DNAH1: variants seen among roughly 807,000 people sequenced by gnomAD.
The protein encoded by DNAH1 is axonemal beta dynein heavy chain 1.
DNAH1 carries 327 observed loss-of-function variants against 484.3 expected under a neutral mutation model. The ratio of observed to expected loss-of-function variants is 0.68; its 90% CI spans 0.62 to 0.74. The LOEUF is 0.74. Among genes scored for constraint, DNAH1 ranks in the 30% least tolerant of loss-of-function variants. The probability of loss-of-function intolerance (pLI) is 0.00; values close to 1 mark genes in which losing one functional copy is unlikely to be tolerated. For synonymous variants in DNAH1, 2,192 were observed against 2,191.9 expected (o/e 1.00, Z 0.00); for missense variants, 5,052 against 5,546.8 (o/e 0.91, Z 2.83).
chr3:52,396,843 G>C, intron 72 of DNAH1, 25 bp from the exon 73 acceptor site: 1 of 1,612,258 alleles, frequency 6.2e-7, no homozygotes, highest in Non-Finnish European at 8.5e-7. Context: ...GCACTTAGGG[G>C]AGCCCTCACC....
chr3:52,377,834 C>T (rs1424073087), intron 46 of DNAH1, among the ~76,000 whole-genome samples: 1 of 152,152 alleles, frequency 6.6e-6, no homozygotes, highest in African/African-American at 2.4e-5. Context: ...CCGGACCCCT[C>T]TCCTGCTGCA....
rs1263318450 is a variant in DNAH1, at chr3:52,400,346, ACT to A, written c.12701_12702del (p.Ser4234TyrfsTer?). ...CCAGGAACACTATCAACCACAGGAC[ACT>A]CTACCAACTATGTCATTGCTGTGGA... On this transcript the variant is annotated frameshift_variant, in exon 78 of 78. Coordinates refer to ENST00000420323, the MANE Select transcript of DNAH1 (RefSeq NM_015512.5). LOFTEE classifies it high-confidence loss of function. The A allele has an allele frequency of 2.2e-5, 36 of 1,613,868 alleles. No individual in the cohort carries two copies. Among genetic ancestry groups the A allele is most frequent in the Non-Finnish European group, 3.0e-5 (35 of 1,179,880 alleles).
At chr3:52,357,504 C>T in intron 22 of DNAH1, 110 bp from the exon 23 acceptor site, 3 of 1,389,668 alleles carry the variant, frequency 2.2e-6, no homozygotes, top group Non-Finnish European at 1.9e-6. Flanking sequence ...CATCTTCTTT[C>T]CCAGGCCCCG....
In DNAH1 at chr3:52,394,546, G is replaced by T; in HGVS notation, c.10708G>T (p.Ala3570Ser). The change falls in exon 67 of 78, where the codon GCT becomes TCT. Residue 3570 changes from alanine (A) to serine (S), a missense_variant. Coordinates refer to ENST00000420323, the MANE Select transcript of DNAH1 (RefSeq NM_015512.5). ...NPAPDWLSDR[A>S]WRDILALSNL... ...GGCACCGGACTGGCTGTCAGACCGG[G>T]CTTGGCGAGACATCCTAGCACTCTC... The T allele has an allele frequency of 6.2e-7, 1 of 1,613,994 alleles. No individual in the cohort carries two copies. Among genetic ancestry groups the T allele is most frequent in the Non-Finnish European group, 8.5e-7 (1 of 1,179,854 alleles).
intron 10 of DNAH1, among the ~76,000 whole-genome samples, chr3:52,346,049 G>A (rs757930321): frequency 1.3e-5 from 2 of 152,168 alleles, no homozygotes; most frequent in Non-Finnish European, 2.9e-5. Flanking sequence ...GTGGATTGGG[G>A]TATGAGGGAG....
chr3:52,334,085 G>A (rs1437807664), intron 8 of DNAH1, among the ~76,000 whole-genome samples: 2 of 152,146 alleles, frequency 1.3e-5, no homozygotes, highest in Non-Finnish European at 2.9e-5. Flanking sequence ...TCATCATTGT[G>A]CAAACATCAT....
At chr3:52,331,369 C>G (rs577271293) in intron 7 of DNAH1, 60 bp downstream of exon 7, 3 of 1,539,442 alleles carry the variant, frequency 1.9e-6, no homozygotes, top group Non-Finnish European at 2.6e-6. Context: ...CGGCCTGTGA[C>G]TGAGGCCAAC....
intron 8 of DNAH1, among the ~76,000 whole-genome samples, chr3:52,341,896 A>C (rs1468068634): frequency 6.6e-6 from 1 of 152,214 alleles, no homozygotes; most frequent in Non-Finnish European, 1.5e-5. Context: ...GGTACAGAGG[A>C]GTGAACATTT....
At chr3:52,360,184 C>G (rs1702796361) in intron 27 of DNAH1, 105 bp downstream of exon 27, 1 of 1,535,620 alleles carries the variant, frequency 6.5e-7, no homozygotes, top group African/African-American at 1.4e-5. Flanking sequence ...CCTTGAGGTT[C>G]TGGGACAAGC....
At chr3:52,396,019 A>G (rs1016513448) in intron 70 of DNAH1, among the ~76,000 whole-genome samples, 2 of 147,828 alleles carry the variant, frequency 1.4e-5, no homozygotes, top group African/African-American at 5.0e-5. Context: ...GTTCACTGCA[A>G]CCTCCACCTC....
At chr3:52,329,776 G>A (rs138706194) in intron 6 of DNAH1, among the ~76,000 whole-genome samples, 2 of 151,518 alleles carry the variant, frequency 1.3e-5, no homozygotes, top group African/African-American at 4.9e-5. Context: ...AGTGAGTGGA[G>A]CTCGCGCCAT....
chr3:52,372,135 G>A (rs761330385), intron 42 of DNAH1, 49 bp downstream of exon 42: 4 of 1,610,360 alleles, frequency 2.5e-6, no homozygotes, highest in South Asian at 2.2e-5. Flanking sequence ...GGCCTATATT[G>A]GGGGTTGACC....
chr3:52,361,426 G>C lies in DNAH1; in HGVS notation c.4874+74G>C, dbSNP rs987416449. On this transcript the variant is annotated intron_variant, in intron 29 of 77. Transcript: ENST00000420323. The surrounding 1 kb of genome is among the most constrained non-coding windows in gnomAD (Gnocchi z 5.6). The stretch of plus-strand genomic sequence containing the variant: ...TCTCCTTGGGGAGGGCTAGGTGAGG[G>C]CAGTGCCTGAGAGGGGCCTCGAAGG... 5.5e-6 allele frequency: 8 copies of C among 1,460,862 alleles called. No homozygotes were observed. Among genetic ancestry groups the C allele is most frequent in the Non-Finnish European group, 7.3e-6 (8 of 1,094,840 alleles). The allele number at this position is 1,460,862 out of a possible 1,614,324, so 90.5% of individuals were successfully genotyped here.
intron 52 of DNAH1, 135 bp from the exon 53 acceptor site, chr3:52,384,651 T>C (rs755747553): frequency 2.1e-5 from 19 of 888,090 alleles, no homozygotes; most frequent in Non-Finnish European, 3.2e-5. Flanking sequence ...GTGAGGCTCA[T>C]AGAGTGAATG....
At chr3:52,399,479 T>C in intron 76 of DNAH1, 66 bp from the exon 77 acceptor site, 2 of 1,399,864 alleles carry the variant, frequency 1.4e-6, no homozygotes, top group Non-Finnish European at 2.0e-6. Flanking sequence ...GAAGGGAGTT[T>C]TGTGCCTCCT....
chr3:52,353,696 G>T lies in DNAH1; in HGVS notation c.3480+63G>T. ...GCCCTGCCGGACAGCCTGACCTCCT[G>T]CTCTGGCAACCACAGCCACTTGGGA... On this transcript the variant is annotated intron_variant, in intron 20 of 77. Coordinates refer to ENST00000420323, the MANE Select transcript of DNAH1 (RefSeq NM_015512.5). The surrounding 1 kb of genome is among the most constrained non-coding windows in gnomAD (Gnocchi z 5.0). The T allele has an allele frequency of 6.5e-7, 1 of 1,544,042 alleles. No homozygotes were observed.
chr3:52,352,663 C>T lies in DNAH1; in HGVS notation c.2983C>T (p.Leu995Phe). ...GAAGGACTGCCAGCAGCTGGCCATG[C>T]TCTACAACAACCGCGAGCGCATCTT... is the stretch of plus-strand genomic sequence containing the variant. Reference protein sequence around the residue: ...QLKDCQQLAMLYNNRERIFSL... With the variant: ...QLKDCQQLAMFYNNRERIFSL... The change falls in exon 18 of 78, where the codon CTC (leucine) becomes TTC (phenylalanine). Residue 995 changes from leucine to phenylalanine, a missense_variant. By Grantham distance (22) the Leu-to-Phe change is conservative (BLOSUM62 0). Transcript: ENST00000420323. The T allele has an allele frequency of 6.2e-7, 1 of 1,613,308 alleles. No homozygotes were observed.
At chr3:52,391,675 C>T in intron 63 of DNAH1, 72 bp downstream of exon 63, 1 of 1,575,404 alleles carries the variant, frequency 6.3e-7, no homozygotes, top group Non-Finnish European at 8.7e-7. Flanking sequence ...CTCTCCCACC[C>T]CCAGGCCGGG....
Position 52,354,958 on chromosome 3 carries a change from A to G in DNAH1, c.3596A>G (p.Asp1199Gly), listed in dbSNP as rs765280887. 3.1e-6 allele frequency: 5 copies of G among 1,614,060 alleles called. No individual in the cohort carries two copies. Among genetic ancestry groups the G allele is most frequent in the Non-Finnish European group, 4.2e-6 (5 of 1,179,908 alleles). Residue 1199 changes from aspartate (D) to glycine (G), a missense_variant, in exon 21 of 78, where the codon GAC (aspartate) becomes GGC (glycine). Physicochemically the swap from Asp to Gly is moderately conservative, Grantham distance 94. Coordinates refer to ENST00000420323, the MANE Select transcript of DNAH1 (RefSeq NM_015512.5). ...SPDEASQLLD[D>G]HIVMTQNMSF... is the part of the protein sequence containing the mutation. ...GACGAGGCCTCACAGCTGCTGGACG[A>G]CCACATCGTCATGACCCAGAATATG...
Sources: gnomAD v4.1 joint callset for allele counts (sites outside exome capture counted in the v4.1 genomes callset) on GRCh38, gnomAD v4.1.1 for gene constraint, Gnocchi (gnomAD v3.1) non-coding constraint, MANE v1.5 for transcripts, NCBI Gene and HGNC (gene_info 2026-07-23, HGNC 2026-07-21) for gene names.